MYH10: variants seen among roughly 807,000 people sequenced by gnomAD.
MYH10 encodes myosin heavy chain 10.
In MYH10, 55 loss-of-function variants were observed where a neutral mutation model predicts 257.8. The ratio of observed to expected loss-of-function variants is 0.21; its 90% CI spans 0.17 to 0.27. MYH10 has a LOEUF of 0.27. Among genes scored for constraint, MYH10 ranks in the 10% least tolerant of loss-of-function variants. The pLI, the probability that MYH10 is intolerant of heterozygous loss-of-function variation, is 1.00. For synonymous variants in MYH10, 854 were observed against 921.7 expected, an observed-to-expected ratio of 0.93 and a Z score of 1.33; for missense variants, 1,631 against 2,500.6, an observed-to-expected ratio of 0.65 and a Z score of 7.42.
chr17:8,618,430 G>A (rs922098250), intron 2 of MYH10, among the ~76,000 whole-genome samples: 27 of 152,052 alleles, frequency 1.8e-4, no homozygotes, highest in South Asian at 2.1e-4. Context: ...GTAGAGACAG[G>A]GTTTCTCCAT....
chr17:8,518,593 T>G (rs1368785885), intron 21 of MYH10, 38 bp downstream of exon 21: 1 of 1,591,300 alleles, frequency 6.3e-7, no homozygotes, highest in Non-Finnish European at 8.6e-7. Flanking sequence ...GCACAAGCAC[T>G]TCCTCAGTGA....
chr17:8,491,754 G>C (rs1412070627), intron 34 of MYH10, among the ~76,000 whole-genome samples: 1 of 152,188 alleles, frequency 6.6e-6, no homozygotes, highest in Non-Finnish European at 1.5e-5. Flanking sequence ...GAGAGACGTA[G>C]GGTAAATAAA....
rs1916137359 is a variant in MYH10, at chr17:8,493,811, G to A, written c.4131C>T (p.Asn1377=). Residue 1377 remains asparagine (N), a synonymous_variant, in exon 32 of 43, where the codon AAC becomes AAT. Transcript: ENST00000360416. ...CCTCCTCCTGCTGCTCCTGAAGACT[G>A]TTCTTCTCCTCTTCCAGCTGCCGGA... ...SRIRQLEEEK[N]SLQEQQEEEE... is the part of the protein sequence containing the mutation. 1 of 1,613,598 alleles carries A rather than the reference G, an allele frequency of 6.2e-7. No individual in the cohort carries two copies. Among genetic ancestry groups the A allele is most frequent in the African/African-American group, 1.3e-5 (1 of 74,890 alleles).
Position 8,546,530 on chromosome 17 carries a change from A to G in MYH10, c.1278+14T>C. On this transcript the variant is annotated intron_variant, in intron 12 of 42. Coordinates refer to ENST00000360416, the MANE Select transcript of MYH10 (RefSeq NM_001256012.3). ...TTCAAACAAATCAGTAATAACAATG[A>G]ACATGAAACCTACCTGTTCTTTGGT... 1 of 1,599,844 alleles carries G rather than the reference A, an allele frequency of 6.3e-7. No homozygotes were observed. The highest frequency in any genetic ancestry group is 8.6e-7 in the Non-Finnish European group (1 of 1,167,984).
At chr17:8,557,114 A>T (rs74401492) in intron 7 of MYH10, among the ~76,000 whole-genome samples, 3 of 152,260 alleles carry the variant, frequency 2.0e-5, no homozygotes, top group Admixed American at 6.5e-5. Context: ...ACCTTATATT[A>T]AAAAAATGAG....
At chr17:8,604,427 T>C (rs754878962) in intron 3 of MYH10, among the ~76,000 whole-genome samples, 74 of 152,216 alleles carry the variant, frequency 4.9e-4, no homozygotes, top group Non-Finnish European at 9.7e-4. Flanking sequence ...CCCTTTTACA[T>C]GCATTTAAAT....
At chr17:8,609,698 C>G (rs1270787110) in intron 2 of MYH10, among the ~76,000 whole-genome samples, 1 of 151,856 alleles carries the variant, frequency 6.6e-6, no homozygotes. Context: ...GAATGGATAC[C>G]TCAGGAAATC....
chr17:8,575,002 A>T (rs1025611942), intron 6 of MYH10, among the ~76,000 whole-genome samples: 1 of 152,246 alleles, frequency 6.6e-6, no homozygotes, highest in African/African-American at 2.4e-5. Context: ...AAACATCAGC[A>T]TAGCTACTGC....
At chr17:8,542,418 G>A (rs1468320418) in intron 13 of MYH10, 138 bp from the exon 14 acceptor site, 3 of 715,856 alleles carry the variant, frequency 4.2e-6, no homozygotes, top group Non-Finnish European at 6.8e-6. Context: ...TCTATCTAAT[G>A]ACAGTGACTA....
intron 2 of MYH10, among the ~76,000 whole-genome samples, chr17:8,613,085 G>A (rs2085107371): frequency 6.6e-6 from 1 of 152,040 alleles, no homozygotes; most frequent in Non-Finnish European, 1.5e-5. Context: ...GGCCGGGGTG[G>A]GAAAAGGAAA....
At chr17:8,511,943 C>T (rs539725372) in intron 24 of MYH10, among the ~76,000 whole-genome samples, 3 of 152,202 alleles carry the variant, frequency 2.0e-5, no homozygotes, top group Non-Finnish European at 2.9e-5. Context: ...CAATCACAAT[C>T]CAAAAATTGT....
chr17:8,624,846 A>G (rs1344406431), intron 1 of MYH10, among the ~76,000 whole-genome samples: 1 of 152,156 alleles, frequency 6.6e-6, no homozygotes, highest in Non-Finnish European at 1.5e-5. Context: ...TTGAAGCCAA[A>G]TATTTGAGAC....
At chr17:8,528,374 C>T (rs962040947) in intron 17 of MYH10, among the ~76,000 whole-genome samples, 6 of 152,160 alleles carry the variant, frequency 3.9e-5, no homozygotes, top group Non-Finnish European at 7.3e-5. Context: ...TCTTCCACTA[C>T]TGGTTTATCT....
chr17:8,540,275 G>A (rs952810912), intron 14 of MYH10, among the ~76,000 whole-genome samples: 1 of 152,118 alleles, frequency 6.6e-6, no homozygotes, highest in Admixed American at 6.6e-5. Flanking sequence ...GATTATAGGC[G>A]GGAGCCACAG....
chr17:8,533,771 C>A (rs1236146108), intron 16 of MYH10, among the ~76,000 whole-genome samples: 1 of 152,174 alleles, frequency 6.6e-6, no homozygotes, highest in Non-Finnish European at 1.5e-5. Context: ...GCATTTATCA[C>A]AGATCCACTT....
chr17:8,572,232 G>GTGTGTT (rs796527426), intron 6 of MYH10, among the ~76,000 whole-genome samples: 1 of 86,352 alleles, frequency 1.2e-5, no homozygotes, highest in African/African-American at 3.9e-5. Flanking sequence ...TCCTCTCTGT[G>GTGTGTT]TGTGTGTGTG....
In MYH10 at chr17:8,490,255, TA is replaced by T; in HGVS notation, c.4884+84del. The stretch of plus-strand genomic sequence containing the variant: ...ACTCTGTGTTTACTCAGATGTGTTC[TA>T]ACACGAATGAACAGGATACTGACCC... On this transcript the variant is annotated intron_variant, in intron 35 of 42. Coordinates refer to ENST00000360416, the MANE Select transcript of MYH10 (RefSeq NM_001256012.3). This position sits in a 1 kb window ranked among gnomAD's most constrained non-coding sequence, Gnocchi z 4.1. The T allele has an allele frequency of 8.5e-7, 1 of 1,183,300 alleles. No homozygotes were observed. The allele number at this position is 1,183,300 out of a possible 1,614,324, so 73.3% of individuals were successfully genotyped here. A position where few individuals can be genotyped will look rare whatever the true frequency, so the allele number is the denominator to read the frequency against.
At chr17:8,538,639 A>T (rs7213389) in intron 14 of MYH10, among the ~76,000 whole-genome samples, 64,026 of 152,010 alleles carry the variant, frequency 0.42, 13,429 homozygotes, top group East Asian at 0.5. Context: ...CCTATAAATT[A>T]GGACTATTTA....
At chr17:8,513,750 T>C in intron 22 of MYH10, 36 bp downstream of exon 22, 4 of 1,612,314 alleles carry the variant, frequency 2.5e-6, no homozygotes, top group Middle Eastern at 1.7e-4. Context: ...ACTCTGCTAT[T>C]TGAAAGGGAT....
Sources: gnomAD v4.1 joint callset for allele counts (sites outside exome capture counted in the v4.1 genomes callset) on GRCh38, gnomAD v4.1.1 for gene constraint, Gnocchi (gnomAD v3.1) non-coding constraint, MANE v1.5 for transcripts, NCBI Gene and HGNC (gene_info 2026-07-23, HGNC 2026-07-21) for gene names.